Variants in NRCAM observed in about 807,000 individuals in gnomAD.
NRCAM encodes neuronal cell adhesion molecule.
In NRCAM, 83 loss-of-function variants were observed where a neutral mutation model predicts 156.5. That is an observed-to-expected ratio of 0.53 (90% confidence interval 0.44 to 0.64). The LOEUF (loss-of-function observed/expected upper bound fraction) is 0.64. Ranked by LOEUF, NRCAM falls within the 30% of genes least tolerant of loss-of-function variation. NRCAM has a pLI of 0.00. For missense variants in NRCAM, 1,417 were observed against 1,597.3 expected (o/e 0.89, Z 1.92); for synonymous variants, 538 against 563.9 (o/e 0.95, Z 0.65).
chr7:108,220,767 C>A (rs1407131541), intron 11 of NRCAM, among the ~76,000 whole-genome samples: 1 of 151,956 alleles, frequency 6.6e-6, no homozygotes, highest in East Asian at 1.9e-4. Flanking sequence ...ATAGGAAAAC[C>A]CCTTCTAGAT....
chr7:108,175,578 C>T (rs2060168431), intron 27 of NRCAM, among the ~76,000 whole-genome samples: 1 of 151,974 alleles, frequency 6.6e-6, no homozygotes, highest in African/African-American at 2.4e-5. Flanking sequence ...AGTTTGAATA[C>T]CCAGTATTCA....
intron 28 of NRCAM, among the ~76,000 whole-genome samples, chr7:108,169,049 AGT>A (rs2056820499): frequency 1.3e-5 from 2 of 152,210 alleles, no homozygotes; most frequent in South Asian, 4.1e-4. Flanking sequence ...TTCTATCAGA[AGT>A]TAAGAAAGAA....
chr7:108,240,513 TTG>T (rs1341861094), intron 3 of NRCAM, among the ~76,000 whole-genome samples: 1 of 152,222 alleles, frequency 6.6e-6, no homozygotes, highest in African/African-American at 2.4e-5. Context: ...AGCAATCACT[TTG>T]TGACTTTAGA....
intron 12 of NRCAM, 54 bp from the exon 13 acceptor site, chr7:108,207,713 C>T: frequency 2.0e-6 from 3 of 1,495,376 alleles, no homozygotes; most frequent in Non-Finnish European, 2.7e-6. Context: ...AGCATTTTAG[C>T]AAAAGAACAT....
chr7:108,389,134 A>G (rs1428527654), intron 2 of NRCAM, among the ~76,000 whole-genome samples: 2 of 152,140 alleles, frequency 1.3e-5, no homozygotes, highest in East Asian at 1.9e-4. Flanking sequence ...CATTGAATCT[A>G]TAAATTACCT....
At chr7:108,331,086 A>G (rs1193564861) in intron 2 of NRCAM, among the ~76,000 whole-genome samples, 2 of 152,198 alleles carry the variant, frequency 1.3e-5, no homozygotes, top group East Asian at 1.9e-4. Context: ...CTAAAAATAT[A>G]TATATCAAAA....
chr7:108,448,374 AT>A (rs1449963819), intron 1 of NRCAM, among the ~76,000 whole-genome samples: 1 of 152,252 alleles, frequency 6.6e-6, no homozygotes, highest in East Asian at 1.9e-4. Flanking sequence ...TGTACTAAAT[AT>A]ACATTTACAA....
intron 1 of NRCAM, among the ~76,000 whole-genome samples, chr7:108,432,711 T>C (rs527627875): frequency 6.6e-6 from 1 of 152,330 alleles, no homozygotes; most frequent in South Asian, 2.1e-4. Flanking sequence ...GAGACCAACC[T>C]GGTCAATATG....
chr7:108,150,751 A>G (rs368062417), intron 32 of NRCAM: 4 of 532,490 alleles, frequency 7.5e-6, no homozygotes, highest in African/African-American at 3.9e-5. Flanking sequence ...AAATGAAAAC[A>G]GCCTAAGAAG....
intron 2 of NRCAM, among the ~76,000 whole-genome samples, chr7:108,316,788 CAA>C (rs35502722): frequency 3.0e-4 from 38 of 124,732 alleles, no homozygotes; most frequent in Non-Finnish European, 3.4e-4. Flanking sequence ...GACTCCATCT[CAA>C]AAAAAAAAAA....
At chr7:108,214,598 C>T (rs1009718467) in intron 11 of NRCAM, among the ~76,000 whole-genome samples, 9 of 152,108 alleles carry the variant, frequency 5.9e-5, no homozygotes, top group South Asian at 2.1e-4. Flanking sequence ...ATGTCTCTAT[C>T]GCCTTTAGTT....
chr7:108,290,278 T>C (rs2098245961), intron 3 of NRCAM, among the ~76,000 whole-genome samples: 2 of 152,006 alleles, frequency 1.3e-5, no homozygotes, highest in Admixed American at 6.6e-5. Context: ...GAAGACAAAC[T>C]AAGGAGGAAA....
At chr7:108,311,935 A>T (rs551907710) in intron 3 of NRCAM, among the ~76,000 whole-genome samples, 35 of 152,326 alleles carry the variant, frequency 2.3e-4, no homozygotes, top group Admixed American at 7.8e-4. Flanking sequence ...ATAATTCCTT[A>T]AAAAAGCTAT....
chr7:108,159,446 G>C lies in NRCAM; in HGVS notation c.3677+17C>G. 1 of 1,608,236 alleles carries C rather than the reference G, an allele frequency of 6.2e-7. No homozygotes were observed. Among genetic ancestry groups the C allele is most frequent in the Non-Finnish European group, 8.5e-7 (1 of 1,174,798 alleles). On this transcript the variant is annotated intron_variant, in intron 32 of 32. Coordinates refer to ENST00000379028, the MANE Select transcript of NRCAM (RefSeq NM_001037132.4). ...ATGTGGGCAGAGAAGATGAAGAGCAGAGAAGCAGGGGCTCACCTGTATTCT... is the reference window on the plus strand; with the variant it reads ...ATGTGGGCAGAGAAGATGAAGAGCACAGAAGCAGGGGCTCACCTGTATTCT...
At chr7:108,435,810 G>C (rs536744336) in intron 1 of NRCAM, among the ~76,000 whole-genome samples, 1 of 152,346 alleles carries the variant, frequency 6.6e-6, no homozygotes, top group South Asian at 2.1e-4. Flanking sequence ...AAACTGTTGA[G>C]AATCGAAAGG....
intron 3 of NRCAM, among the ~76,000 whole-genome samples, chr7:108,267,853 TA>T (rs1199414535): frequency 6.6e-6 from 1 of 152,212 alleles, no homozygotes; most frequent in African/African-American, 2.4e-5. Context: ...TCTTCCATGG[TA>T]TAACATTATT....
chr7:108,195,953 G>A (rs2074808635), intron 14 of NRCAM, 81 bp from the exon 15 acceptor site: 1 of 927,004 alleles, frequency 1.1e-6, no homozygotes, highest in Non-Finnish European at 1.7e-6. Context: ...TTGTTTTAAG[G>A]TCATTAAAGT....
chr7:108,430,706 A>C (rs1392781048), intron 1 of NRCAM, among the ~76,000 whole-genome samples: 1 of 152,152 alleles, frequency 6.6e-6, no homozygotes, highest in Non-Finnish European at 1.5e-5. Context: ...TTGCCTGTGA[A>C]TATTCTCATT....
At chr7:108,405,411 A>T (rs929569866) in intron 1 of NRCAM, among the ~76,000 whole-genome samples, 1 of 152,246 alleles carries the variant, frequency 6.6e-6, no homozygotes, top group Non-Finnish European at 1.5e-5. Context: ...TTCATGGTCC[A>T]TACTTGGGAC....
Sources: allele counts gnomAD v4.1 joint callset (sites outside exome capture counted in the v4.1 genomes callset), GRCh38; gene constraint gnomAD v4.1.1; transcripts MANE v1.5; gene names NCBI Gene and HGNC (gene_info 2026-07-23, HGNC 2026-07-21).